The following PIK3C2B variants were observed in gnomAD, a reference collection of about 807,000 sequenced individuals.
The protein encoded by PIK3C2B is phosphatidylinositol-4-phosphate 3-kinase catalytic subunit type 2 beta, also known as phosphatidylinositol 4-phosphate 3-kinase C2 domain-containing subunit beta.
In PIK3C2B, 83 loss-of-function variants were observed where a neutral mutation model predicts 184.3. The ratio of observed to expected loss-of-function variants is 0.45; its 90% CI spans 0.38 to 0.54. The LOEUF (loss-of-function observed/expected upper bound fraction) is 0.54. PIK3C2B is among the 20% of genes least tolerant of loss of function. The pLI is 0.00. For synonymous variants in PIK3C2B, 779 were observed against 837.6 expected (o/e 0.93, Z 1.21); for missense variants, 1,736 against 2,113.5 (o/e 0.82, Z 3.50).
At chr1:204,487,865 G>C (rs906067753) in intron 1 of PIK3C2B, among the ~76,000 whole-genome samples, 9 of 152,078 alleles carry the variant, frequency 5.9e-5, no homozygotes, top group Admixed American at 1.3e-4. Context: ...TGGGAGGGGG[G>C]TGCAATGTGG....
Position 204,464,470 on chromosome 1 carries a change from G to T in PIK3C2B, c.1169C>A (p.Ala390Glu), listed in dbSNP as rs1655591314. ...VTVLCDRLQE[A>E]LTFTCNCSST... ...CTTACAGTTGCAGGTGAAAGTGAGTGCCTCTTGAAGCCTGTCACACAACAC... is the reference window on the plus strand; with the variant it reads ...CTTACAGTTGCAGGTGAAAGTGAGTTCCTCTTGAAGCCTGTCACACAACAC... Residue 390 changes from alanine to glutamate, a missense_variant, in exon 4 of 33, where the codon GCA becomes GAA. Physicochemically the swap from Ala to Glu is moderately radical, Grantham distance 107. Coordinates refer to ENST00000684373, the MANE Select transcript of PIK3C2B (RefSeq NM_001377334.1). The T allele has an allele frequency of 6.2e-7, 1 of 1,613,908 alleles. No individual in the cohort carries two copies. Among genetic ancestry groups the T allele is most frequent in the African/African-American group, 1.3e-5 (1 of 75,026 alleles).
chr1:204,456,118 C>T (rs1265221589), intron 10 of PIK3C2B, 67 bp from the exon 11 acceptor site: 5 of 1,373,066 alleles, frequency 3.6e-6, no homozygotes, highest in Non-Finnish European at 5.1e-6. Flanking sequence ...GTTGCCATGG[C>T]ATTGGCTAGA....
intron 23 of PIK3C2B, among the ~76,000 whole-genome samples, chr1:204,434,950 A>G (rs1433946806): frequency 6.6e-6 from 1 of 152,126 alleles, no homozygotes; most frequent in Non-Finnish European, 1.5e-5. Context: ...GACTGAGGGG[A>G]CCTTAAGAGA....
At chr1:204,442,737 C>T (rs914153795) in intron 19 of PIK3C2B, 104 bp from the exon 20 acceptor site, 2 of 730,706 alleles carry the variant, frequency 2.7e-6, no homozygotes, top group African/African-American at 3.5e-5. Flanking sequence ...GTATGAAAAC[C>T]ACCCCCTGAG....
chr1:204,475,633 C>T (rs898193231), intron 1 of PIK3C2B, among the ~76,000 whole-genome samples: 1 of 152,188 alleles, frequency 6.6e-6, no homozygotes, highest in Non-Finnish European at 1.5e-5. Flanking sequence ...GAAAACCACA[C>T]ACAGTCCCTT....
chr1:204,424,519 A>T lies in PIK3C2B; in HGVS notation c.*333T>A, dbSNP rs1210524764. 7.4e-6 allele frequency: 1 copy of T among 135,578 alleles called. No homozygotes were observed. Among genetic ancestry groups the T allele is most frequent in the African/African-American group, 5.6e-5 (1 of 17,812 alleles). 8.4% of individuals were successfully genotyped at this position (135,578 alleles called of 1,614,324 possible). ...TAAAAATTAAGATATCCACCCACCC[A>T]CCCCCAAAATGCTACTTCATACAGC... On this transcript the variant is annotated 3_prime_UTR_variant, in exon 33 of 33. Transcript: ENST00000684373.
intron 4 of PIK3C2B, 75 bp downstream of exon 4, chr1:204,464,375 A>G: frequency 7.7e-7 from 1 of 1,292,358 alleles, no homozygotes; most frequent in Non-Finnish European, 1.0e-6. Context: ...GATGAGGTGG[A>G]AATCGAGTCA....
intron 18 of PIK3C2B, 94 bp downstream of exon 18, chr1:204,443,974 A>G: frequency 1.1e-6 from 1 of 883,180 alleles, no homozygotes. Context: ...TGAAGCCCGG[A>G]CAACTCAGTT....
Position 204,444,401 on chromosome 1 carries a change from C to A in PIK3C2B, c.2702G>T (p.Arg901Leu). ...TGAGCCAATCCACTGCACAGCCATA[C>A]GACGCACCTCCTGGTCCGGGAAGCT... is the stretch of plus-strand genomic sequence containing the variant. ...HATFPDQEVR[R>L]MAVQWIGSLS... The change falls in exon 17 of 33, where the codon CGT becomes CTT. Residue 901 changes from arginine (R) to leucine (L), a missense_variant. Around this residue, in one of 8 missense-constraint regions of PIK3C2B, gnomAD observed 289 missense variants for 380.4 expected, o/e 0.76. Transcript: ENST00000684373. 6.2e-7 allele frequency: 1 copy of A among 1,613,792 alleles called. No individual in the cohort carries two copies. The highest frequency in any genetic ancestry group is 8.5e-7 in the Non-Finnish European group (1 of 1,179,882).
chr1:204,442,559 G>C lies in PIK3C2B; in HGVS notation c.3123C>G (p.Ser1041Arg). 1 of 1,555,444 alleles carries C rather than the reference G, an allele frequency of 6.4e-7. No individual in the cohort carries two copies. Among genetic ancestry groups the C allele is most frequent in the Non-Finnish European group, 8.7e-7 (1 of 1,149,082 alleles). Reference protein sequence around the residue: ...ALNGSCRLPLSPSLLVKGIVP... With the variant: ...ALNGSCRLPLRPSLLVKGIVP... The stretch of plus-strand genomic sequence containing the variant: ...CAATTCCCTTAACCAGCAGACTGGG[G>C]CTGAGTGGCAAGCGGCACGAGCCAT... Residue 1041 changes from serine (S) to arginine (R), a missense_variant, in exon 20 of 33, where the codon AGC becomes AGG. By Grantham distance (110) the Ser-to-Arg change is moderately radical (BLOSUM62 -1). Around this residue, in one of 8 missense-constraint regions of PIK3C2B, gnomAD observed 289 missense variants for 380.4 expected, o/e 0.76. Coordinates refer to ENST00000684373, the MANE Select transcript of PIK3C2B (RefSeq NM_001377334.1).
At chr1:204,454,481 CAAAA>C (rs577930655) in intron 12 of PIK3C2B, 184 bp downstream of exon 12, 3,214 of 255,760 alleles carry the variant, frequency 0.013, no homozygotes, top group South Asian at 0.016. Flanking sequence ...GGCTGCCTCT[CAAAA>C]AAAAAAAAAA....
chr1:204,458,961 T>C, intron 8 of PIK3C2B, among the ~76,000 whole-genome samples: 1 of 152,154 alleles, frequency 6.6e-6, no homozygotes, highest in East Asian at 1.9e-4. Context: ...GCTGAACCCC[T>C]CAAAAAGGAA....
intron 1 of PIK3C2B, among the ~76,000 whole-genome samples, chr1:204,476,010 C>G (rs1018025735): frequency 6.6e-6 from 1 of 152,160 alleles, no homozygotes; most frequent in African/African-American, 2.4e-5. Context: ...GCATCCCCCA[C>G]AGGACCAAGA....
Position 204,460,493 on chromosome 1 carries a change from T to C in PIK3C2B, c.1422+57A>G, listed in dbSNP as rs61761719. The C allele has an allele frequency of 3.3e-4, 507 of 1,553,082 alleles. 4 individuals are homozygous for C. The African/African-American group carries it at 6.6e-3, about 20-fold the overall frequency. On this transcript the variant is annotated intron_variant, in intron 6 of 32. Coordinates refer to ENST00000684373, the MANE Select transcript of PIK3C2B (RefSeq NM_001377334.1). ...CCCTCCCACCTGATGTGTTCTATAT[T>C]GTATTCCCATTCCACCTCCCCAGCC...
Position 204,454,708 on chromosome 1 carries a change from A to C in PIK3C2B, c.2027T>G (p.Phe676Cys). Reference sequence around the variant, plus strand: ...GATGAGGTGGAAGAGGTACTTGGAGAAGTGAGCTCTTCGGGTCTGCAGGGG... The same window carrying C: ...GATGAGGTGGAAGAGGTACTTGGAGCAGTGAGCTCTTCGGGTCTGCAGGGG... The part of the protein sequence containing the change: ...CSPLQTRRAH[F>C]SKYLFHLIVW... Residue 676 changes from phenylalanine (F) to cysteine (C), a missense_variant, in exon 12 of 33, where the codon TTC becomes TGC. Phe to Cys is a radical substitution (Grantham distance 205). Around this residue, in one of 8 missense-constraint regions of PIK3C2B, gnomAD observed 609 missense variants for 699.2 expected, o/e 0.87. Coordinates refer to ENST00000684373, the MANE Select transcript of PIK3C2B (RefSeq NM_001377334.1). 4 of 1,613,318 alleles carry C rather than the reference A, an allele frequency of 2.5e-6. No individual in the cohort carries two copies. The highest frequency in any genetic ancestry group is 3.4e-6 in the Non-Finnish European group (4 of 1,179,948).
In PIK3C2B at chr1:204,449,917, C is replaced by A. The variant is rs1654206467; in HGVS notation, c.2167G>T (p.Ala723Ser). ...PIPPPGSSSE[A>S]NKQRRVPEAL... The stretch of plus-strand genomic sequence containing the variant: ...TCAGGCACCCGCCGCTGCTTATTGG[C>A]CTCTGAGGAGCTCCCCGGTGGGGGG... The change falls in exon 13 of 33, where the codon GCC becomes TCC. Residue 723 changes from alanine (A) to serine (S), a missense_variant. Transcript: ENST00000684373. The A allele has an allele frequency of 6.2e-7, 1 of 1,613,880 alleles. No homozygotes were observed. Among genetic ancestry groups the A allele is most frequent in the Non-Finnish European group, 8.5e-7 (1 of 1,179,914 alleles).
At chr1:204,456,965 A>G in intron 10 of PIK3C2B, 72 bp downstream of exon 10, 2 of 1,321,830 alleles carry the variant, frequency 1.5e-6, no homozygotes, top group African/African-American at 1.5e-5. Flanking sequence ...GCCCAGGCAG[A>G]AAAAGGAATC....
Position 204,465,302 on chromosome 1 carries a change from G to A in PIK3C2B, c.951C>T (p.His317=). The part of the protein sequence containing the change: ...ISAAPVGSRP[H]TVANGHELFE... ...ACAACTCATGGCCATTGGCAACAGTGTGGGGCCGGGAGCCCACCTTTAAGA... is the reference window on the plus strand; with the variant it reads ...ACAACTCATGGCCATTGGCAACAGTATGGGGCCGGGAGCCCACCTTTAAGA... Residue 317 remains histidine, a synonymous_variant, in exon 3 of 33, where the codon CAC becomes CAT. Transcript: ENST00000684373. 1 of 1,612,748 alleles carries A rather than the reference G, an allele frequency of 6.2e-7. No homozygotes were observed. Among genetic ancestry groups the A allele is most frequent in the African/African-American group, 1.3e-5 (1 of 75,004 alleles).
Position 204,483,284 on chromosome 1 carries a change from G to A in PIK3C2B, c.-85+11072C>T, listed in dbSNP as rs142604902. On this transcript the variant is annotated intron_variant, in intron 1 of 32. Transcript: ENST00000684373. The stretch of plus-strand genomic sequence containing the variant: ...AACACAAAAATTAGCTGGGTGTGGT[G>A]GCATGTACCTGTAGTCCCAGCTACT... 2.9e-3 allele frequency among the ~76,000 whole-genome samples: 434 copies of A among 152,132 alleles called. 1 individual carries two copies. The highest frequency in any genetic ancestry group is 9.8e-3 in the African/African-American group (406 of 41,476).
Sources: gnomAD v4.1 joint callset for allele counts (sites outside exome capture counted in the v4.1 genomes callset) on GRCh38, gnomAD v4.1.1 for gene constraint, gnomAD v4.1.1 regional missense constraint, MANE v1.5 for transcripts, NCBI Gene and HGNC (gene_info 2026-07-23, HGNC 2026-07-21) for gene names.